AVL9: variants seen among roughly 807,000 people sequenced by gnomAD.
AVL9 encodes AVL9 cell migration associated.
Under a neutral mutation model 79.2 loss-of-function variants are expected in AVL9, and 49 were observed. The observed-to-expected ratio is 0.62, with a 90% CI of 0.49 to 0.79. The LOEUF is 0.79. Among genes scored for constraint, AVL9 ranks in the 30% least tolerant of loss-of-function variants. The pLI is 0.00. For synonymous variants in AVL9, 299 were observed against 280.6 expected, an observed-to-expected ratio of 1.07 and a Z score of -0.65; for missense variants, 682 against 776.8, an observed-to-expected ratio of 0.88 and a Z score of 1.45.
At chr7:32,567,267 A>C (rs908049654) in intron 10 of AVL9, among the ~76,000 whole-genome samples, 1 of 151,974 alleles carries the variant, frequency 6.6e-6, no homozygotes, top group Non-Finnish European at 1.5e-5. Flanking sequence ...ATACCTGGCT[A>C]ATTTTTGTAT....
intron 15 of AVL9, chr7:32,581,117 T>C (rs1240333402): frequency 8.1e-6 from 4 of 496,756 alleles, no homozygotes; most frequent in Non-Finnish European, 1.4e-5. Flanking sequence ...ATGAAGTCAC[T>C]GTTTTGCTAC....
At chr7:32,556,233 G>C (rs769096509) in intron 8 of AVL9, among the ~76,000 whole-genome samples, 8 of 152,016 alleles carry the variant, frequency 5.3e-5, no homozygotes, top group Admixed American at 1.3e-4. Flanking sequence ...TATTCCTTCA[G>C]GCTGGGCACA....
chr7:32,546,083 T>TTTTTTTTTTTA (rs1554340432), intron 3 of AVL9, among the ~76,000 whole-genome samples: 6 of 144,820 alleles, frequency 4.1e-5, no homozygotes, highest in African/African-American at 1.0e-4. Flanking sequence ...TTTTTTTTTT[T>TTTTTTTTTTTA]AAATATCTGT....
chr7:32,506,569 C>A (rs1198125181), intron 1 of AVL9, among the ~76,000 whole-genome samples: 1 of 152,058 alleles, frequency 6.6e-6, no homozygotes, highest in African/African-American at 2.4e-5. Flanking sequence ...CTGAAACTTT[C>A]CATTTAAAAT....
intron 1 of AVL9, among the ~76,000 whole-genome samples, chr7:32,520,044 C>A (rs1211239441): frequency 1.3e-5 from 2 of 152,202 alleles, no homozygotes; most frequent in Non-Finnish European, 2.9e-5. Context: ...CACCTCCCAC[C>A]AGGTCCCTCC....
chr7:32,569,362 T>A (rs1790721451), intron 10 of AVL9, among the ~76,000 whole-genome samples: 1 of 143,634 alleles, frequency 7.0e-6, no homozygotes. Flanking sequence ...TCAGGAAGTA[T>A]GCTGGATTTT....
intron 1 of AVL9, among the ~76,000 whole-genome samples, chr7:32,509,132 C>G (rs1787540414): frequency 6.6e-6 from 1 of 152,158 alleles, no homozygotes; most frequent in Admixed American, 6.5e-5. Context: ...CTACCTTTCC[C>G]TTTCTGGCGT....
intron 14 of AVL9, 134 bp from the exon 15 acceptor site, chr7:32,580,667 CT>C: frequency 3.3e-6 from 2 of 612,408 alleles, no homozygotes; most frequent in Non-Finnish European, 2.9e-6. Flanking sequence ...AATAATTTAG[CT>C]TCTTTTCTCA....
At chr7:32,559,612 G>T in intron 10 of AVL9, 148 bp downstream of exon 10, 1 of 725,162 alleles carries the variant, frequency 1.4e-6, no homozygotes, top group South Asian at 2.6e-5. Context: ...ATAGTACTGT[G>T]GCATCCGTGA....
At chr7:32,537,494 T>C (rs1224211248) in intron 1 of AVL9, 10 of 133,756 alleles carry the variant, frequency 7.5e-5, no homozygotes, top group Non-Finnish European at 1.6e-4. Context: ...AGACAGAGTC[T>C]CTCTGTTGCC....
chr7:32,507,729 C>T (rs527358922), intron 1 of AVL9, among the ~76,000 whole-genome samples: 8 of 152,238 alleles, frequency 5.3e-5, no homozygotes, highest in Admixed American at 2.6e-4. Context: ...TCTTGGTGCA[C>T]GTGTGCAAAT....
intron 14 of AVL9, 124 bp downstream of exon 14, chr7:32,580,396 T>C: frequency 4.1e-6 from 3 of 730,038 alleles, no homozygotes; most frequent in East Asian, 2.7e-5. Flanking sequence ...TAACCAAATA[T>C]GTGCATAACA....
At chr7:32,503,225 C>A (rs564892486) in intron 1 of AVL9, among the ~76,000 whole-genome samples, 1 of 151,096 alleles carries the variant, frequency 6.6e-6, no homozygotes, top group African/African-American at 2.4e-5. Context: ...CTGTAAATCC[C>A]AGCACTTTGG....
At chr7:32,579,526 A>T (rs866823124) in intron 13 of AVL9, among the ~76,000 whole-genome samples, 1 of 8,240 alleles carries the variant, frequency 1.2e-4, no homozygotes, top group African/African-American at 4.2e-4. Flanking sequence ...ATTATATATT[A>T]TATATTATAT....
rs568612174 is a variant in AVL9, at chr7:32,517,818, T to G, written c.93+22016T>G. ...AATGATCTTTGCTTGTGTGTTTTTT[T>G]TTTGTTTGTTTGTTTTGTTTTGTTT... On this transcript the variant is annotated intron_variant, in intron 1 of 15. Coordinates refer to ENST00000318709, the MANE Select transcript of AVL9 (RefSeq NM_015060.3). Among the ~76,000 whole-genome samples, 55 of 150,458 alleles carry G rather than the reference T, an allele frequency of 3.7e-4. No individual in the cohort carries two copies. In the East Asian group the frequency reaches 3.7e-3, roughly 10 times the overall value.
chr7:32,528,926 C>T (rs530674335), intron 1 of AVL9, among the ~76,000 whole-genome samples: 96 of 152,236 alleles, frequency 6.3e-4, no homozygotes, highest in Non-Finnish European at 9.4e-4. Flanking sequence ...AGGAGAATGG[C>T]GTGAACCCAG....
chr7:32,580,791 C>A lies in AVL9; in HGVS notation c.1743-11C>A. On this transcript the variant is annotated splice_polypyrimidine_tract_variant and intron_variant, in intron 14 of 15. Coordinates refer to ENST00000318709, the MANE Select transcript of AVL9 (RefSeq NM_015060.3). ...GTACCTAACACTTCTTTTATCTTAT[C>A]TTTTACCCAGTTCTGTTCAGAATAG... is the stretch of plus-strand genomic sequence containing the variant. 1 of 1,607,154 alleles carries A rather than the reference C, an allele frequency of 6.2e-7. No individual in the cohort carries two copies. The highest frequency in any genetic ancestry group is 8.5e-7 in the Non-Finnish European group (1 of 1,174,668).
chr7:32,515,875 T>G (rs1290669437), intron 1 of AVL9, among the ~76,000 whole-genome samples: 1 of 147,916 alleles, frequency 6.8e-6, no homozygotes, highest in Admixed American at 7.0e-5. Flanking sequence ...TAAAATTCCT[T>G]GCTGCTGCAA....
chr7:32,556,021 A>G (rs990181872), intron 8 of AVL9, among the ~76,000 whole-genome samples: 7 of 152,170 alleles, frequency 4.6e-5, no homozygotes, highest in Non-Finnish European at 4.4e-5. Flanking sequence ...AGATGTTTTT[A>G]TTGTTTTAAA....
Sources: gnomAD v4.1 joint callset for allele counts (sites outside exome capture counted in the v4.1 genomes callset) on GRCh38, gnomAD v4.1.1 for gene constraint, MANE v1.5 for transcripts, NCBI Gene and HGNC (gene_info 2026-07-23, HGNC 2026-07-21) for gene names.